The following IGSF11 variants were observed in gnomAD, a reference collection of about 807,000 sequenced individuals.
The protein encoded by IGSF11 is immunoglobulin superfamily member 11, also known as CXADR like 1.
In IGSF11, 22 loss-of-function variants were observed where a neutral mutation model predicts 41.0. The observed-to-expected ratio is 0.54, with a 90% confidence interval of 0.38 to 0.77. The LOEUF (loss-of-function observed/expected upper bound fraction) is 0.77, where lower values mean the gene tolerates loss of function less well. Ranked by LOEUF, IGSF11 falls within the 30% of genes least tolerant of loss-of-function variation. IGSF11 has a pLI of 0.00. For missense variants in IGSF11, 444 were observed against 530.8 expected, an observed-to-expected ratio of 0.84 and a Z score of 1.61; for synonymous variants, 219 against 201.3, an observed-to-expected ratio of 1.09 and a Z score of -0.74.
At chr3:119,128,639 A>G (rs1382462658) in intron 1 of IGSF11, among the ~76,000 whole-genome samples, 1 of 151,890 alleles carries the variant, frequency 6.6e-6, no homozygotes, top group Non-Finnish European at 1.5e-5. Context: ...AAAAAAGATC[A>G]AAAAAGACAA....
At chr3:119,120,694 C>T (rs1246096451) in intron 1 of IGSF11, among the ~76,000 whole-genome samples, 1 of 152,192 alleles carries the variant, frequency 6.6e-6, no homozygotes, top group Admixed American at 6.5e-5. Flanking sequence ...CCTGGTGGGT[C>T]ACCATGATAC....
intron 6 of IGSF11, among the ~76,000 whole-genome samples, chr3:118,904,297 T>C (rs1335045865): frequency 6.6e-6 from 1 of 152,192 alleles, no homozygotes; most frequent in African/African-American, 2.4e-5. Context: ...CCTTCTTGCT[T>C]TATGTTCACA....
At chr3:118,944,491 C>T (rs1168974658) in intron 1 of IGSF11, among the ~76,000 whole-genome samples, 2 of 151,548 alleles carry the variant, frequency 1.3e-5, no homozygotes, top group Non-Finnish European at 2.9e-5. Flanking sequence ...CACACACACA[C>T]ACACACACAC....
rs184931736 is a variant in IGSF11, at chr3:119,122,703, G to A, written c.-13-17498C>T. 6.1e-4 allele frequency among the ~76,000 whole-genome samples: 93 copies of A among 152,324 alleles called. 1 individual carries two copies. In the East Asian group the frequency reaches 0.014, roughly 23 times the overall value. The stretch of plus-strand genomic sequence containing the variant: ...ATTTTGGGTACCAGCTCAGACACGA[G>A]GATGGGGCACTGGGCAGTCATGAGG... On this transcript the variant is annotated intron_variant, in intron 1 of 7. Transcript: ENST00000425327.
At chr3:119,042,614 G>T (rs1438628895) in intron 1 of IGSF11, among the ~76,000 whole-genome samples, 1 of 152,114 alleles carries the variant, frequency 6.6e-6, no homozygotes, top group Non-Finnish European at 1.5e-5. Flanking sequence ...GTGGCAGCAA[G>T]CCCCGTCCAA....
chr3:118,917,349 A>T (rs1007688787), intron 4 of IGSF11, among the ~76,000 whole-genome samples: 1 of 150,770 alleles, frequency 6.6e-6, no homozygotes, highest in Admixed American at 6.6e-5. Flanking sequence ...AACAAAATTG[A>T]TAGACCACTA....
chr3:118,917,957 G>A (rs1247826715), intron 4 of IGSF11, among the ~76,000 whole-genome samples: 7 of 127,252 alleles, frequency 5.5e-5, no homozygotes, highest in East Asian at 2.4e-4. Context: ...TTCAATATAC[G>A]CAAATCAATA....
At chr3:119,075,684 A>C (rs1361170369) in intron 1 of IGSF11, among the ~76,000 whole-genome samples, 1 of 152,220 alleles carries the variant, frequency 6.6e-6, no homozygotes, top group Non-Finnish European at 1.5e-5. Context: ...TACACAAATC[A>C]ATAAATGTGA....
chr3:119,095,522 T>C (rs1195448088), intron 1 of IGSF11, among the ~76,000 whole-genome samples: 1 of 152,220 alleles, frequency 6.6e-6, no homozygotes, highest in Non-Finnish European at 1.5e-5. Context: ...GATTTTACTC[T>C]ACTTACAAGC....
intron 1 of IGSF11, among the ~76,000 whole-genome samples, chr3:118,998,862 CAGTATGTACA>C (rs1040739819): frequency 6.6e-6 from 1 of 152,020 alleles, no homozygotes; most frequent in African/African-American, 2.4e-5. Context: ...CATTGTAAAA[CAGTATGTACA>C]AAGTTATTCA....
At chr3:119,137,059 G>A (rs138157804) in intron 1 of IGSF11, among the ~76,000 whole-genome samples, 1 of 152,044 alleles carries the variant, frequency 6.6e-6, no homozygotes, top group Non-Finnish European at 1.5e-5. Flanking sequence ...AGACACTGAT[G>A]AAAGAAATTG....
In IGSF11 at chr3:119,057,762, T is replaced by C. The variant is rs186376401; in HGVS notation, c.49+47382A>G. On this transcript the variant is annotated intron_variant, in intron 1 of 6. Coordinates refer to the IGSF11 transcript ENST00000354673. ...AGTAACCAAAACAGCATGGTACTGG[T>C]ACCAAAACAGAGATACAGACCAATG... Among the ~76,000 whole-genome samples the C allele has an allele frequency of 1.1e-4, 17 of 152,304 alleles. No individual in the cohort carries two copies. The East Asian group carries it at 3.3e-3, about 29-fold the overall frequency.
chr3:118,907,452 A>G (rs903099389), intron 4 of IGSF11, among the ~76,000 whole-genome samples: 4 of 152,184 alleles, frequency 2.6e-5, no homozygotes, highest in African/African-American at 9.7e-5. Context: ...GCTAGAGAAC[A>G]GAGGGGGATA....
chr3:118,937,712 G>T (rs746841553), intron 1 of IGSF11, among the ~76,000 whole-genome samples: 18 of 152,074 alleles, frequency 1.2e-4, no homozygotes, highest in Non-Finnish European at 2.4e-4. Context: ...TTTATGGTTG[G>T]TGTACAACGG....
intron 1 of IGSF11, among the ~76,000 whole-genome samples, chr3:118,964,249 A>G (rs913685450): frequency 2.6e-5 from 4 of 152,318 alleles, no homozygotes; most frequent in African/African-American, 9.6e-5. Flanking sequence ...TTTTAATAAA[A>G]GAGCAACTAA....
chr3:119,082,945 A>G (rs998333460), intron 1 of IGSF11, among the ~76,000 whole-genome samples: 2 of 152,170 alleles, frequency 1.3e-5, no homozygotes, highest in Non-Finnish European at 2.9e-5. Flanking sequence ...ATCAGTAAAG[A>G]TTATACAGAC....
chr3:119,012,017 T>C (rs1298488169), intron 1 of IGSF11, among the ~76,000 whole-genome samples: 2 of 151,970 alleles, frequency 1.3e-5, no homozygotes, highest in African/African-American at 4.8e-5. Context: ...AGCAATATAG[T>C]GTACACACAC....
chr3:119,021,819 A>G (rs1939320283), intron 1 of IGSF11, among the ~76,000 whole-genome samples: 1 of 152,188 alleles, frequency 6.6e-6, no homozygotes, highest in Non-Finnish European at 1.5e-5. Flanking sequence ...AAAAGAGAAA[A>G]AAATTGCTTA....
At chr3:118,996,521 CAAT>C (rs771261088) in intron 1 of IGSF11, among the ~76,000 whole-genome samples, 9 of 152,208 alleles carry the variant, frequency 5.9e-5, no homozygotes, top group South Asian at 4.1e-4. Flanking sequence ...CTACACACAA[CAAT>C]GAGCTTTATA....
Sources: gnomAD v4.1 joint callset for allele counts (sites outside exome capture counted in the v4.1 genomes callset) on GRCh38, gnomAD v4.1.1 for gene constraint, MANE v1.5 for transcripts, NCBI Gene and HGNC (gene_info 2026-07-23, HGNC 2026-07-21) for gene names.